The following TWIST2 variants were observed in gnomAD, a reference collection of about 807,000 sequenced individuals.
TWIST2 encodes the protein twist family bHLH transcription factor 2.
A neutral mutation model predicts 11.6 loss-of-function variants in TWIST2; 1 was observed. The observed-to-expected ratio is 0.09, with a 90% CI of 0.03 to 0.41. TWIST2 has a LOEUF of 0.41. Among genes scored for constraint, TWIST2 ranks in the 10% least tolerant of loss-of-function variants. The probability of loss-of-function intolerance (pLI) is 0.98; values close to 1 mark genes in which losing one functional copy is unlikely to be tolerated. For missense variants in TWIST2, 168 were observed against 226.4 expected, an observed-to-expected ratio of 0.74 and a Z score of 1.66; for synonymous variants, 87 against 96.6, an observed-to-expected ratio of 0.90 and a Z score of 0.58.
chr2:238,882,891 G>C (rs113795846), intron 1 of TWIST2, among the ~76,000 whole-genome samples: 185 of 152,216 alleles, frequency 1.2e-3, no homozygotes, highest in Admixed American at 2.5e-3. Context: ...AGAGCTGAGG[G>C]GCAGATGACC....
intron 1 of TWIST2, among the ~76,000 whole-genome samples, chr2:238,904,857 T>C (rs1286490230): frequency 1.3e-5 from 2 of 150,808 alleles, no homozygotes; most frequent in African/African-American, 4.9e-5. Flanking sequence ...GGTGAAAGGA[T>C]AAATGGATAA....
intron 1 of TWIST2, among the ~76,000 whole-genome samples, chr2:238,906,805 C>G (rs1265571431): frequency 2.6e-5 from 4 of 152,324 alleles, no homozygotes; most frequent in Admixed American, 6.5e-5. Flanking sequence ...CTTGGGGAGC[C>G]CATGCCTGCC....
At chr2:238,880,175 G>C (rs1408952111) in intron 1 of TWIST2, among the ~76,000 whole-genome samples, 4 of 152,112 alleles carry the variant, frequency 2.6e-5, no homozygotes, top group Non-Finnish European at 4.4e-5. Flanking sequence ...ATTGGTGTTA[G>C]TGTTAGTATT....
In TWIST2 at chr2:238,859,783, TCACA is replaced by T. The variant is rs528711344; in HGVS notation, c.*35+11059_*35+11062del. Among the ~76,000 whole-genome samples, 42 of 152,210 alleles carry T rather than the reference TCACA, an allele frequency of 2.8e-4. No homozygotes were observed. The South Asian group carries it at 6.0e-3, about 22-fold the overall frequency. ...GACATCTAGTTCCTAATGTGTTTATTCACACACACACATGCATGCACGCACACGT... is the reference window on the plus strand; with the variant it reads ...GACATCTAGTTCCTAATGTGTTTATTCACACACATGCATGCACGCACACGT... On this transcript the variant is annotated intron_variant, in intron 1 of 1. Coordinates refer to ENST00000612363, the MANE Select transcript of TWIST2 (RefSeq NM_001271893.4).
chr2:238,873,816 A>C (rs1390450100), intron 1 of TWIST2, among the ~76,000 whole-genome samples: 1 of 152,072 alleles, frequency 6.6e-6, no homozygotes, highest in Non-Finnish European at 1.5e-5. Flanking sequence ...AAATAATAAA[A>C]AGCCTTTGTT....
intron 1 of TWIST2, among the ~76,000 whole-genome samples, chr2:238,871,153 A>C (rs996505542): frequency 2.6e-4 from 4 of 15,178 alleles, no homozygotes; most frequent in Non-Finnish European, 1.3e-4. Flanking sequence ...CCCCACACAC[A>C]CCACACACCC....
chr2:238,872,486 T>C (rs1227283709), intron 1 of TWIST2, among the ~76,000 whole-genome samples: 1 of 152,210 alleles, frequency 6.6e-6, no homozygotes, highest in Admixed American at 6.5e-5. Context: ...TCTTTTTGTT[T>C]GTCTGCATTT....
At chr2:238,903,532 G>C (rs1419494954) in intron 1 of TWIST2, among the ~76,000 whole-genome samples, 26 of 142,618 alleles carry the variant, frequency 1.8e-4, no homozygotes, top group African/African-American at 7.0e-4. Context: ...TGTCTAATGT[G>C]AGGTGTGTGT....
chr2:238,905,972 TGC>T (rs1428637953), intron 1 of TWIST2, among the ~76,000 whole-genome samples: 87 of 139,434 alleles, frequency 6.2e-4, no homozygotes, highest in Admixed American at 4.1e-3. Flanking sequence ...TGCGTGTGTG[TGC>T]GCGCGCGTGT....
chr2:238,909,268 A>G (rs1401456934), intron 1 of TWIST2, among the ~76,000 whole-genome samples: 1 of 150,884 alleles, frequency 6.6e-6, no homozygotes, highest in East Asian at 2.0e-4. Context: ...GGCACATGGG[A>G]CATCTCTGTG....
At chr2:238,891,646 TG>T (rs1291201086) in intron 1 of TWIST2, among the ~76,000 whole-genome samples, 6 of 151,920 alleles carry the variant, frequency 3.9e-5, no homozygotes, top group East Asian at 1.9e-4. Context: ...GAAAGGCAGG[TG>T]GGGGCCTTGA....
intron 1 of TWIST2, among the ~76,000 whole-genome samples, chr2:238,902,376 G>A (rs1335479179): frequency 6.6e-6 from 1 of 151,244 alleles, no homozygotes; most frequent in Non-Finnish European, 1.5e-5. Flanking sequence ...TGTGGTGTAT[G>A]TATGTGTGTA....
chr2:238,883,743 A>C (rs1363680185), intron 1 of TWIST2, among the ~76,000 whole-genome samples: 1 of 152,180 alleles, frequency 6.6e-6, no homozygotes, highest in Non-Finnish European at 1.5e-5. Context: ...CCTGGGGAAG[A>C]CCATGTTGAT....
rs531370255 is a variant in TWIST2 at position 238,876,194 on chromosome 2, A to G, written c.*35+27461A>G. On this transcript the variant is annotated intron_variant, in intron 1 of 1. Coordinates refer to ENST00000612363, the MANE Select transcript of TWIST2 (RefSeq NM_001271893.4). ...GGAAGTTCAGGAACGGCTGAACCTC[A>G]CTAGAGTGAAATCAAGTCAGGCACC... Among the ~76,000 whole-genome samples, 8 of 152,362 alleles carry G rather than the reference A, an allele frequency of 5.3e-5. No individual in the cohort carries two copies. In the East Asian group the frequency reaches 1.5e-3, roughly 29 times the overall value.
At chr2:238,909,161 AG>A (rs1693410962) in intron 1 of TWIST2, among the ~76,000 whole-genome samples, 11 of 67,930 alleles carry the variant, frequency 1.6e-4, no homozygotes, top group Admixed American at 6.2e-4. Flanking sequence ...TGTGGTGTGT[AG>A]TGTGGGGTGT....
At chr2:238,888,579 A>G (rs941445094) in intron 1 of TWIST2, among the ~76,000 whole-genome samples, 1 of 152,310 alleles carries the variant, frequency 6.6e-6, no homozygotes, top group Middle Eastern at 3.4e-3. Context: ...GGATGTTGAG[A>G]TGAAGTTTAA....
rs376684722 is a variant in TWIST2, at chr2:238,863,261, C to A, written c.*35+14528C>A. On this transcript the variant is annotated intron_variant, in intron 1 of 1. Transcript: ENST00000612363. This position sits in a 1 kb window ranked among gnomAD's most constrained non-coding sequence, Gnocchi z 4.7. ...ACATAGGAATGCCCTCACCGCAACCCCCACTCGGTGTTAGGACTTAGGTAC... is the reference window on the plus strand; with the variant it reads ...ACATAGGAATGCCCTCACCGCAACCACCACTCGGTGTTAGGACTTAGGTAC... 2.4e-4 allele frequency among the ~76,000 whole-genome samples: 36 copies of A among 152,212 alleles called. No individual in the cohort carries two copies. The highest frequency in any genetic ancestry group is 6.5e-4 in the African/African-American group (27 of 41,524).
chr2:238,887,371 G>A (rs1693059518), intron 1 of TWIST2: 2 of 152,122 alleles, frequency 1.3e-5, no homozygotes, highest in South Asian at 2.1e-4. Flanking sequence ...TTCCCCATGA[G>A]ACTTACACTC....
intron 1 of TWIST2, among the ~76,000 whole-genome samples, chr2:238,855,512 T>C (rs142497945): frequency 0.021 from 3,172 of 152,350 alleles, 112 homozygotes; most frequent in African/African-American, 0.073. Context: ...CATGCGTAGA[T>C]GGGAAGCTAG....
Sources: allele counts gnomAD v4.1 joint callset (sites outside exome capture counted in the v4.1 genomes callset), GRCh38; gene constraint gnomAD v4.1.1; non-coding constraint Gnocchi (gnomAD v3.1); transcripts MANE v1.5; gene names NCBI Gene and HGNC (gene_info 2026-07-23, HGNC 2026-07-21).